Variants in SFTPD observed in about 807,000 individuals in gnomAD.
The protein encoded by SFTPD is pulmonary surfactant-associated protein D.
In SFTPD, 18 loss-of-function variants were observed where a neutral mutation model predicts 34.6. That is an observed-to-expected ratio of 0.52 (90% confidence interval 0.36 to 0.77). The LOEUF (loss-of-function observed/expected upper bound fraction) is 0.77, where lower values mean the gene tolerates loss of function less well. SFTPD is among the 30% of genes least tolerant of loss of function. SFTPD has a pLI of 0.00. For missense variants in SFTPD, 433 were observed against 468.9 expected (o/e 0.92, Z 0.71); for synonymous variants, 155 against 180.9 (o/e 0.86, Z 1.15).
chr10:79,972,923 G>A (rs1319884317), intron 1 of SFTPD: 1 of 152,140 alleles, frequency 6.6e-6, no homozygotes, highest in African/African-American at 2.4e-5. Context: ...TTTTATCCTA[G>A]CTCTGAGAGT....
chr10:79,980,136 A>G (rs927017774), intron 1 of SFTPD, among the ~76,000 whole-genome samples: 1 of 152,196 alleles, frequency 6.6e-6, no homozygotes, highest in African/African-American at 2.4e-5. Flanking sequence ...GGCAGTAAGT[A>G]CCATGGATTT....
intron 1 of SFTPD, among the ~76,000 whole-genome samples, chr10:79,973,914 G>T (rs1564535931): frequency 6.6e-6 from 1 of 152,130 alleles, no homozygotes; most frequent in Non-Finnish European, 1.5e-5. Context: ...ACAAGTGCCA[G>T]AAAATTCTAA....
In SFTPD at chr10:79,938,033, G is replaced by A; in HGVS notation, c.947C>T (p.Thr316Ile). ...GAACTTGCCCTCTGTCTTGGAATCA[G>A]TCATGCTCAGGAAAGCAGCCTCGTT... ...AKNEAAFLSM[T>I]DSKTEGKFTY... is the part of the protein sequence containing the mutation. The change falls in exon 8 of 8, where the codon ACT becomes ATT. Residue 316 changes from threonine (T) to isoleucine (I), a missense_variant. Physicochemically the swap from Thr to Ile is moderately conservative, Grantham distance 89 (BLOSUM62 -1). Transcript: ENST00000372292. 6.2e-7 allele frequency: 1 copy of A among 1,614,090 alleles called. No homozygotes were observed. The highest frequency in any genetic ancestry group is 8.5e-7 in the Non-Finnish European group (1 of 1,179,918).
intron 1 of SFTPD, among the ~76,000 whole-genome samples, chr10:79,961,428 ATCAAC>A (rs1842772034): frequency 6.6e-6 from 1 of 151,532 alleles, no homozygotes; most frequent in Non-Finnish European, 1.5e-5. Context: ...AGAATCTACA[ATCAAC>A]TCAAACAAAT....
chr10:79,965,584 G>GGT (rs1842799550), intron 1 of SFTPD, among the ~76,000 whole-genome samples: 1 of 75,270 alleles, frequency 1.3e-5, no homozygotes, highest in African/African-American at 5.6e-5. Flanking sequence ...TATTTTTAAT[G>GGT]TTTTTTTTTT....
chr10:79,939,491 TGTAA>T (rs979083790), intron 7 of SFTPD, among the ~76,000 whole-genome samples: 1 of 152,176 alleles, frequency 6.6e-6, no homozygotes, highest in African/African-American at 2.4e-5. Flanking sequence ...CGTGGGAGTA[TGTAA>T]GGTTCATCTG....
rs1258609153 is a variant in SFTPD at position 79,966,566 on chromosome 10, G to A, written c.36+16009C>T. ...CACTCTGATGGTAGTTTCTTTTGCC[G>A]TGCAGAAGCTCTTTAGTTTAATTAG... is the stretch of plus-strand genomic sequence containing the variant. On this transcript the variant is annotated intron_variant, in intron 1 of 5. Transcript: ENST00000444384. Among the ~76,000 whole-genome samples, 13 of 145,092 alleles carry A rather than the reference G, an allele frequency of 9.0e-5. No individual in the cohort carries two copies. In the East Asian group the frequency reaches 1.0e-3, roughly 11 times the overall value.
chr10:79,973,479 G>A (rs769167349), intron 1 of SFTPD, among the ~76,000 whole-genome samples: 37 of 152,014 alleles, frequency 2.4e-4, no homozygotes, highest in Middle Eastern at 3.4e-3. Context: ...TTAGCCAGGC[G>A]CAGTGATGGG....
At chr10:79,966,372 A>T (rs1361033213) in intron 1 of SFTPD, among the ~76,000 whole-genome samples, 1 of 64,306 alleles carries the variant, frequency 1.6e-5, no homozygotes, top group Non-Finnish European at 2.7e-5. Context: ...TTGGCTGCAT[A>T]AATGTCTTCT....
upstream of SFTPD, among the ~76,000 whole-genome samples, chr10:79,951,359 TC>T (rs1481860077): frequency 2.0e-5 from 3 of 152,198 alleles, no homozygotes; most frequent in South Asian, 2.1e-4. Flanking sequence ...TGGGATTTTT[TC>T]CCCCTTTGAA....
At chr10:79,953,317 G>C (rs1842721520), upstream of SFTPD, among the ~76,000 whole-genome samples, 1 of 152,102 alleles carries the variant, frequency 6.6e-6, no homozygotes, top group Non-Finnish European at 1.5e-5. Context: ...GGTGGACCTA[G>C]TGGTGACAAA....
chr10:79,959,364 T>C (rs1228047716), intron 1 of SFTPD, among the ~76,000 whole-genome samples: 2 of 152,142 alleles, frequency 1.3e-5, no homozygotes, highest in African/African-American at 4.8e-5. Context: ...GAGCTGGTTT[T>C]TTGAAAGGAT....
chr10:79,967,170 A>C, intron 1 of SFTPD, among the ~76,000 whole-genome samples: 1 of 126,252 alleles, frequency 7.9e-6, no homozygotes, highest in African/African-American at 3.3e-5. Context: ...AGACAAACAG[A>C]GAGCCAAATC....
chr10:79,963,478 C>T (rs1398547160), intron 1 of SFTPD, among the ~76,000 whole-genome samples: 5 of 152,070 alleles, frequency 3.3e-5, no homozygotes, highest in Non-Finnish European at 7.4e-5. Flanking sequence ...TGTCAGAGTA[C>T]CTATCCTAGC....
chr10:79,955,509 G>C (rs930380010), intron 1 of SFTPD, among the ~76,000 whole-genome samples: 4 of 152,124 alleles, frequency 2.6e-5, no homozygotes, highest in African/African-American at 9.7e-5. Context: ...GCAAAATCTT[G>C]AAGCTTGATA....
At chr10:79,949,339 A>C (rs1842694779), upstream of SFTPD, among the ~76,000 whole-genome samples, 1 of 152,220 alleles carries the variant, frequency 6.6e-6, no homozygotes, top group Non-Finnish European at 1.5e-5. Context: ...TTCTCACTGC[A>C]GCTCTGTGAA....
intron 1 of SFTPD, among the ~76,000 whole-genome samples, chr10:79,974,015 G>A (rs377369161): frequency 1.2e-4 from 18 of 151,598 alleles, no homozygotes; most frequent in African/African-American, 3.6e-4. Flanking sequence ...ATCTCTGTGT[G>A]TTTCACAGAC....
intron 1 of SFTPD, among the ~76,000 whole-genome samples, chr10:79,957,757 G>C (rs377387230): frequency 2.6e-5 from 4 of 152,160 alleles, no homozygotes; most frequent in South Asian, 2.1e-4. Context: ...CTTCCCCAAT[G>C]TAGCAAGGCA....
intron 1 of SFTPD, among the ~76,000 whole-genome samples, chr10:79,975,757 G>T (rs1343744842): frequency 6.6e-6 from 1 of 152,192 alleles, no homozygotes; most frequent in Non-Finnish European, 1.5e-5. Context: ...AGCATTGTTT[G>T]TATAGATATT....
Sources: allele counts gnomAD v4.1 joint callset (sites outside exome capture counted in the v4.1 genomes callset), GRCh38; gene constraint gnomAD v4.1.1; transcripts MANE v1.5; gene names NCBI Gene and HGNC (gene_info 2026-07-23, HGNC 2026-07-21).